The following GPC5 variants were observed in gnomAD, a reference collection of about 807,000 sequenced individuals.
GPC5 encodes the protein glypican 5, also known as glypican-5.
Under a neutral mutation model 53.9 loss-of-function variants are expected in GPC5, and 47 were observed. The observed-to-expected ratio is 0.87, with a 90% CI of 0.69 to 1.11. The LOEUF is 1.11. Ranked by LOEUF, GPC5 falls within the 50% of genes most tolerant of loss-of-function variation. GPC5 has a pLI of 0.00. For synonymous variants in GPC5, 286 were observed against 263.3 expected (o/e 1.09, Z -0.84); for missense variants, 748 against 713.1 (o/e 1.05, Z -0.56).
At chr13:92,395,132 C>G (rs1015582466) in intron 7 of GPC5, among the ~76,000 whole-genome samples, 10 of 152,100 alleles carry the variant, frequency 6.6e-5, no homozygotes, top group Non-Finnish European at 1.5e-4. Context: ...TGATGTAGTT[C>G]ATTTAATATC....
chr13:92,753,096 G>T (rs1874663353), intron 7 of GPC5, among the ~76,000 whole-genome samples: 1 of 152,188 alleles, frequency 6.6e-6, no homozygotes, highest in African/African-American at 2.4e-5. Context: ...CCCTCTGACA[G>T]CTTTGAAGAG....
intron 7 of GPC5, among the ~76,000 whole-genome samples, chr13:92,745,222 T>C (rs1889211874): frequency 6.6e-6 from 1 of 152,012 alleles, no homozygotes; most frequent in African/African-American, 2.4e-5. Context: ...ATTTGGGTCT[T>C]TTTACTTTTT....
intron 2 of GPC5, among the ~76,000 whole-genome samples, chr13:91,458,353 AAAT>A (rs1223909285): frequency 1.3e-5 from 2 of 152,050 alleles, no homozygotes; most frequent in Non-Finnish European, 2.9e-5. Context: ...TTTGATTGTA[AAAT>A]AATCACTGTC....
chr13:92,694,201 C>A (rs1347450172), intron 7 of GPC5, among the ~76,000 whole-genome samples: 1 of 152,132 alleles, frequency 6.6e-6, no homozygotes, highest in African/African-American at 2.4e-5. Flanking sequence ...AGAGGCAGGG[C>A]CCTCATGGAG....
intron 7 of GPC5, among the ~76,000 whole-genome samples, chr13:92,319,809 G>T (rs1647251918): frequency 6.6e-6 from 1 of 152,090 alleles, no homozygotes; most frequent in African/African-American, 2.4e-5. Flanking sequence ...TTTCCAGAGA[G>T]AATTTTCAAA....
chr13:92,561,078 C>T (rs934010397), intron 7 of GPC5, among the ~76,000 whole-genome samples: 4 of 151,814 alleles, frequency 2.6e-5, no homozygotes, highest in East Asian at 3.9e-4. Flanking sequence ...GCATTGCCTT[C>T]GAGACGTGAC....
At chr13:92,436,053 C>T (rs983156012) in intron 7 of GPC5, among the ~76,000 whole-genome samples, 17 of 152,086 alleles carry the variant, frequency 1.1e-4, no homozygotes, top group Non-Finnish European at 4.4e-5. Flanking sequence ...ACTGACTATT[C>T]TGTTATTTTG....
At chr13:92,782,834 T>G (rs1876082205) in intron 7 of GPC5, among the ~76,000 whole-genome samples, 1 of 152,100 alleles carries the variant, frequency 6.6e-6, no homozygotes, top group African/African-American at 2.4e-5. Context: ...GAATATAAAT[T>G]CTTTTTTTCT....
chr13:92,682,722 C>T (rs1469678325), intron 7 of GPC5, among the ~76,000 whole-genome samples: 1 of 152,096 alleles, frequency 6.6e-6, no homozygotes, highest in Non-Finnish European at 1.5e-5. Flanking sequence ...AGTAATTTAT[C>T]GGACACGGGT....
At chr13:92,700,023 T>G (rs1404509687) in intron 7 of GPC5, among the ~76,000 whole-genome samples, 1 of 152,166 alleles carries the variant, frequency 6.6e-6, no homozygotes, top group African/African-American at 2.4e-5. Context: ...ATATTGACAG[T>G]GGTGTCTTAA....
At chr13:91,986,549 T>C (rs115274551) in intron 6 of GPC5, among the ~76,000 whole-genome samples, 292 of 152,258 alleles carry the variant, frequency 1.9e-3, no homozygotes, top group African/African-American at 6.5e-3. Flanking sequence ...AAGTCCCAGA[T>C]CTTCTACTCT....
intron 5 of GPC5, among the ~76,000 whole-genome samples, chr13:91,849,944 G>A (rs1046754956): frequency 3.9e-5 from 6 of 152,110 alleles, no homozygotes; most frequent in African/African-American, 1.4e-4. Context: ...AATTGTAAAG[G>A]TTATTGCTCA....
intron 7 of GPC5, among the ~76,000 whole-genome samples, chr13:92,404,474 A>T (rs1421839535): frequency 6.6e-6 from 1 of 152,240 alleles, no homozygotes; most frequent in Non-Finnish European, 1.5e-5. Flanking sequence ...AAGCAAGATA[A>T]TTGAACTCTG....
chr13:92,593,118 C>A (rs1241339889), intron 7 of GPC5, among the ~76,000 whole-genome samples: 1 of 151,062 alleles, frequency 6.6e-6, no homozygotes, highest in African/African-American at 2.4e-5. Context: ...AGAGATTCAG[C>A]ACTTTGGGGT....
intron 6 of GPC5, among the ~76,000 whole-genome samples, chr13:92,061,075 C>A (rs1326552263): frequency 7.5e-6 from 1 of 132,850 alleles, no homozygotes; most frequent in East Asian, 2.6e-4. Flanking sequence ...GTATAGACCC[C>A]TCTTTGTAAC....
intron 6 of GPC5, among the ~76,000 whole-genome samples, chr13:92,017,066 C>T (rs59834088): frequency 1.2e-4 from 18 of 152,170 alleles, no homozygotes; most frequent in East Asian, 1.2e-3. Context: ...TACACCAACC[C>T]ATGAGGTATC....
intron 6 of GPC5, among the ~76,000 whole-genome samples, chr13:91,977,044 A>G (rs1475826210): frequency 1.7e-5 from 2 of 115,850 alleles, no homozygotes; most frequent in Admixed American, 1.6e-4. Flanking sequence ...GTCTCAATAA[A>G]TAAATAAATA....
At chr13:92,032,141 A>G (rs2040857409) in intron 6 of GPC5, among the ~76,000 whole-genome samples, 1 of 147,824 alleles carries the variant, frequency 6.8e-6, no homozygotes, top group African/African-American at 2.5e-5. Context: ...AGCAACCTGG[A>G]TGGAACTGGG....
chr13:91,459,562 G>T (rs927703644), intron 2 of GPC5, among the ~76,000 whole-genome samples: 1 of 119,448 alleles, frequency 8.4e-6, no homozygotes, highest in African/African-American at 3.3e-5. Flanking sequence ...GATTAAAGAA[G>T]CCCAGGCTGT....
Sources: gnomAD v4.1 joint callset for allele counts (sites outside exome capture counted in the v4.1 genomes callset) on GRCh38, gnomAD v4.1.1 for gene constraint, MANE v1.5 for transcripts, NCBI Gene and HGNC (gene_info 2026-07-23, HGNC 2026-07-21) for gene names.